Variants in CELSR1 observed in about 807,000 individuals in gnomAD.
The protein encoded by CELSR1 is adhesion G protein-coupled receptor C1.
CELSR1 carries 110 observed loss-of-function variants against 249.1 expected under a neutral mutation model. The observed-to-expected ratio is 0.44, with a 90% CI of 0.38 to 0.52. The LOEUF (loss-of-function observed/expected upper bound fraction) is 0.52, where lower values mean the gene tolerates loss of function less well. CELSR1 is among the 20% of genes least tolerant of loss of function. The pLI is 0.00. For synonymous variants in CELSR1, 2,113 were observed against 1,900.0 expected (o/e 1.11, Z -2.92); for missense variants, 4,109 against 4,296.4 (o/e 0.96, Z 1.22).
At chr22:46,489,592 G>A (rs1212204072) in intron 1 of CELSR1, among the ~76,000 whole-genome samples, 1 of 152,062 alleles carries the variant, frequency 6.6e-6, no homozygotes, top group East Asian at 1.9e-4. Flanking sequence ...ACCAGCTCCT[G>A]GGGGCAGCTC....
chr22:46,514,256 C>T (rs923177825), intron 1 of CELSR1, among the ~76,000 whole-genome samples: 1 of 152,104 alleles, frequency 6.6e-6, no homozygotes, highest in African/African-American at 2.4e-5. Context: ...ACCCAGTCCT[C>T]GAGATGACAG....
intron 2 of CELSR1, among the ~76,000 whole-genome samples, chr22:46,462,348 C>T (rs1464380349): frequency 3.9e-5 from 6 of 152,210 alleles, no homozygotes; most frequent in Admixed American, 2.6e-4. Flanking sequence ...AGCACCCTTG[C>T]ATCAGGCTGC....
At position 46,535,247 on chromosome 22, in the gene CELSR1, A is replaced by T; in HGVS notation, c.1924T>A (p.Cys642Ser). The change falls in exon 1 of 35, where the codon TGT becomes AGT. Residue 642 changes from cysteine (C) to serine (S), a missense_variant. Physicochemically the swap from Cys to Ser is moderately radical, Grantham distance 112. Around this residue, in one of 7 missense-constraint regions of CELSR1, gnomAD observed 886 missense variants for 896.5 expected, o/e 0.99. Transcript: ENST00000674500. ...IHNSSGWITV[C>S]AELDREEVEH... ...ACCTCCTCGCGGTCCAGCTCGGCAC[A>T]CACTGTGATCCAACCGGAGCTGTTG... is the stretch of plus-strand genomic sequence containing the variant. 2 of 1,609,956 alleles carry T rather than the reference A, an allele frequency of 1.2e-6. No homozygotes were observed. The highest frequency in any genetic ancestry group is 1.7e-6 in the Non-Finnish European group (2 of 1,179,968).
intron 20 of CELSR1, among the ~76,000 whole-genome samples, chr22:46,382,900 AGTGTTTCGTGGG>A (rs1444828245): frequency 3.3e-5 from 5 of 152,304 alleles, no homozygotes; most frequent in African/African-American, 1.2e-4. Context: ...GAGGAGAGTT[AGTGTTTCGTGGG>A]CTAGAGTTTC....
rs368356855 is a variant in CELSR1 at position 46,380,763 on chromosome 22, A to C, written c.7256+25T>G. The C allele has an allele frequency of 1.2e-6, 2 of 1,606,218 alleles. No individual in the cohort carries two copies. Among genetic ancestry groups the C allele is most frequent in the Non-Finnish European group, 8.5e-7 (1 of 1,175,962 alleles). On this transcript the variant is annotated intron_variant, in intron 22 of 34. Transcript: ENST00000674500. The surrounding 1 kb of genome is among the most constrained non-coding windows in gnomAD (Gnocchi z 5.1). The stretch of plus-strand genomic sequence containing the variant: ...CACTCTGCCTTGGCAAAGCCCTCAC[A>C]TGGGGCTCCTGGCGTCACACTTACG...
Position 46,537,324 on chromosome 22 carries a change from G to C in CELSR1, c.-154C>G, listed in dbSNP as rs949318345. Among the ~76,000 whole-genome samples the C allele has an allele frequency of 1.3e-5, 2 of 148,944 alleles. No individual in the cohort carries two copies. Among genetic ancestry groups the C allele is most frequent in the Non-Finnish European group, 3.0e-5 (2 of 66,688 alleles). On this transcript the variant is annotated 5_prime_UTR_variant, in exon 1 of 35. Transcript: ENST00000674500. This position sits in a 1 kb window ranked among gnomAD's most constrained non-coding sequence, Gnocchi z 5.8. ...CTCCCCGGGGGCCCTGGCGGGGACT[G>C]TGGGGACCACGCGCCCGGCCTCCCC...
chr22:46,483,079 G>C (rs1311336238), intron 1 of CELSR1, among the ~76,000 whole-genome samples: 1 of 152,114 alleles, frequency 6.6e-6, no homozygotes. Flanking sequence ...ATCAATTCCA[G>C]GTGAACTAAG....
intron 5 of CELSR1, among the ~76,000 whole-genome samples, chr22:46,415,670 C>G (rs55780321): frequency 2.0e-5 from 3 of 151,930 alleles, no homozygotes; most frequent in Non-Finnish European, 4.4e-5. Flanking sequence ...CCCTCACCAG[C>G]CCCCTGCCAC....
rs2147688888 is a variant in CELSR1 at position 46,488,171 on chromosome 22, G to A, written c.3545-23826C>T. Among the ~76,000 whole-genome samples, 1 of 152,070 alleles carries A rather than the reference G, an allele frequency of 6.6e-6. No individual in the cohort carries two copies. Among genetic ancestry groups the A allele is most frequent in the East Asian group, 1.9e-4 (1 of 5,166 alleles). ...GCTGACAGCAGCTGGGTGACAGCAG[G>A]AAGCAGCTGTGGTCAGCAGCCACTC... On this transcript the variant is annotated intron_variant, in intron 1 of 34. Coordinates refer to ENST00000674500, the MANE Select transcript of CELSR1 (RefSeq NM_001378328.1). This position sits in a 1 kb window ranked among gnomAD's most constrained non-coding sequence, Gnocchi z 4.7.
rs2080359757 is a variant in CELSR1, at chr22:46,490,755, G to A, written c.3545-26410C>T. ...ACTCCTGCAGCCACCACAGGGTGCA[G>A]AGTGAGTTTCTGGTTTTGCCGCTCT... is the stretch of plus-strand genomic sequence containing the variant. On this transcript the variant is annotated intron_variant, in intron 1 of 34. Coordinates refer to ENST00000674500, the MANE Select transcript of CELSR1 (RefSeq NM_001378328.1). This position sits in a 1 kb window ranked among gnomAD's most constrained non-coding sequence, Gnocchi z 5.2. Among the ~76,000 whole-genome samples, 1 of 152,164 alleles carries A rather than the reference G, an allele frequency of 6.6e-6. No homozygotes were observed. The highest frequency in any genetic ancestry group is 2.1e-4 in the South Asian group (1 of 4,826).
rs1471035805 is a variant in CELSR1 at position 46,490,321 on chromosome 22, C to T, written c.3545-25976G>A. 6.6e-6 allele frequency among the ~76,000 whole-genome samples: 1 copy of T among 152,136 alleles called. No individual in the cohort carries two copies. Among genetic ancestry groups the T allele is most frequent in the African/African-American group, 2.4e-5 (1 of 41,418 alleles). ...TTTATTTTTGAGACAGAGTCTCGCT[C>T]TGCCACCCAGGCTGGAGTACAGCGG... On this transcript the variant is annotated intron_variant, in intron 1 of 34. Transcript: ENST00000674500. This position sits in a 1 kb window ranked among gnomAD's most constrained non-coding sequence, Gnocchi z 5.2.
rs1372322475 is a variant in CELSR1 at position 46,518,009 on chromosome 22, T to C, written c.3544+15618A>G. On this transcript the variant is annotated intron_variant, in intron 1 of 34. Transcript: ENST00000674500. This position sits in a 1 kb window ranked among gnomAD's most constrained non-coding sequence, Gnocchi z 5.2. Reference sequence around the variant, plus strand: ...CCTCTGCCTCCTGCGTTCAAGTGATTCTCCTGCCTCAGCCTCCCAAGTAGC... The same window carrying C: ...CCTCTGCCTCCTGCGTTCAAGTGATCCTCCTGCCTCAGCCTCCCAAGTAGC... 6.6e-6 allele frequency among the ~76,000 whole-genome samples: 1 copy of C among 151,978 alleles called. No homozygotes were observed. Among genetic ancestry groups the C allele is most frequent in the Admixed American group, 6.6e-5 (1 of 15,252 alleles).
At chr22:46,421,779 C>T (rs1015651388) in intron 5 of CELSR1, among the ~76,000 whole-genome samples, 12 of 152,264 alleles carry the variant, frequency 7.9e-5, no homozygotes, top group African/African-American at 2.7e-4. Flanking sequence ...GATGGGAGCA[C>T]GTGCAGACTG....
chr22:46,536,527 G>A lies in CELSR1; in HGVS notation c.644C>T (p.Ser215Leu), dbSNP rs2080858270. The A allele has an allele frequency of 4.1e-6, 6 of 1,455,220 alleles. No homozygotes were observed. Among genetic ancestry groups the A allele is most frequent in the Non-Finnish European group, 5.4e-6 (6 of 1,110,160 alleles). The allele number at this position is 1,455,220 out of a possible 1,614,324, so 90.1% of individuals were successfully genotyped here. A position where few individuals can be genotyped will look rare whatever the true frequency, so the allele number is the denominator to read the frequency against. The stretch of plus-strand genomic sequence containing the variant: ...GGGCAAGTTCGGCGGCAGGGGCGGC[G>A]ATGGGGATGGCGACGCGGAGGGCGT... ...AGTPSASPSP[S>L]PPLPPNLPEA... is the part of the protein sequence containing the mutation. Residue 215 changes from serine (S) to leucine (L), a missense_variant, in exon 1 of 35, where the codon TCG becomes TTG. Physicochemically the swap from Ser to Leu is moderately radical, Grantham distance 145. Around this residue, in one of 7 missense-constraint regions of CELSR1, gnomAD observed 673 missense variants for 636.8 expected, o/e 1.06. Transcript: ENST00000674500.
chr22:46,388,360 G>A (rs116417771), intron 18 of CELSR1, among the ~76,000 whole-genome samples: 1 of 151,514 alleles, frequency 6.6e-6, no homozygotes, highest in African/African-American at 2.4e-5. Context: ...AAAAAAAAAA[G>A]AAATAAAGAA....
chr22:46,398,659 G>A lies in CELSR1; in HGVS notation c.5413-22C>T. On this transcript the variant is annotated intron_variant, in intron 10 of 34. Transcript: ENST00000674500. This position sits in a 1 kb window ranked among gnomAD's most constrained non-coding sequence, Gnocchi z 7.2. Reference sequence around the variant, plus strand: ...TGTTCTGTGCGGAGAGAGGGGCCGGGGATCTGGGGGCTGCATCCACCATCC... The same window carrying A: ...TGTTCTGTGCGGAGAGAGGGGCCGGAGATCTGGGGGCTGCATCCACCATCC... 6.4e-7 allele frequency: 1 copy of A among 1,574,516 alleles called. No individual in the cohort carries two copies. Among genetic ancestry groups the A allele is most frequent in the Non-Finnish European group, 8.7e-7 (1 of 1,154,700 alleles).
Position 46,407,964 on chromosome 22 carries a change from G to A in CELSR1, c.5226+1032C>T, listed in dbSNP as rs866269897. 5.9e-5 allele frequency among the ~76,000 whole-genome samples: 9 copies of A among 152,294 alleles called. No homozygotes were observed. The highest frequency in any genetic ancestry group is 2.1e-4 in the South Asian group (1 of 4,824). On this transcript the variant is annotated intron_variant, in intron 9 of 34. Transcript: ENST00000674500. The surrounding 1 kb of genome is among the most constrained non-coding windows in gnomAD (Gnocchi z 4.8). ...GGGGCAAGAGGGCAAGCCGAGGGCCGGGCACCCTCCTGGGGAGGGTCCCCA... is the reference window on the plus strand; with the variant it reads ...GGGGCAAGAGGGCAAGCCGAGGGCCAGGCACCCTCCTGGGGAGGGTCCCCA...
intron 1 of CELSR1, among the ~76,000 whole-genome samples, chr22:46,531,890 C>T (rs141136713): frequency 5.7e-4 from 87 of 152,262 alleles, no homozygotes; most frequent in African/African-American, 2.0e-3. Flanking sequence ...GAGGACACAG[C>T]ACCTGATTTA....
At position 46,381,781 on chromosome 22, in the gene CELSR1, AC is replaced by A; in HGVS notation, c.7088+64del. On this transcript the variant is annotated intron_variant, in intron 21 of 34. Transcript: ENST00000674500. This position sits in a 1 kb window ranked among gnomAD's most constrained non-coding sequence, Gnocchi z 6.0. The stretch of plus-strand genomic sequence containing the variant: ...GTGCTTGATCAGGATCAGGATTTTG[AC>A]CTGTGGAAGCCTCAGGAGCCTCCAG... The A allele has an allele frequency of 2.1e-6, 3 of 1,400,784 alleles. No individual in the cohort carries two copies. The Admixed American group carries it at 6.6e-5, about 31-fold the overall frequency. The allele number at this position is 1,400,784 out of a possible 1,614,324, so 86.8% of individuals were successfully genotyped here.
Sources: gnomAD v4.1 joint callset for allele counts (sites outside exome capture counted in the v4.1 genomes callset) on GRCh38, gnomAD v4.1.1 for gene constraint, gnomAD v4.1.1 regional missense constraint, Gnocchi (gnomAD v3.1) non-coding constraint, MANE v1.5 for transcripts, NCBI Gene and HGNC (gene_info 2026-07-23, HGNC 2026-07-21) for gene names.